The following NT5C2 variants were observed in gnomAD, a reference collection of about 807,000 sequenced individuals.
NT5C2 encodes 5'-nucleotidase, cytosolic II.
A neutral mutation model predicts 76.1 loss-of-function variants in NT5C2; 58 were observed. The observed-to-expected ratio is 0.76, with a 90% confidence interval of 0.62 to 0.95. NT5C2 has a LOEUF of 0.95. Among genes scored for constraint, NT5C2 ranks in the 40% least tolerant of loss-of-function variants. The pLI is 0.00. For missense variants in NT5C2, 478 were observed against 690.3 expected (o/e 0.69, Z 3.45); for synonymous variants, 229 against 237.4 (o/e 0.96, Z 0.32).
chr10:103,088,841 G>A lies in NT5C2; in HGVS notation c.*831C>T. 5.1e-6 allele frequency: 1 copy of A among 197,024 alleles called. No homozygotes were observed. Among genetic ancestry groups the A allele is most frequent in the Non-Finnish European group, 1.1e-5 (1 of 94,926 alleles). The allele number at this position is 197,024 out of a possible 1,614,324, so 12.2% of individuals were successfully genotyped here. ...GGACAAAGAAATCTGGAATTGGGTAGCATGAGCCACAGCTATATAGCCCAC... is the reference window on the plus strand; with the variant it reads ...GGACAAAGAAATCTGGAATTGGGTAACATGAGCCACAGCTATATAGCCCAC... On this transcript the variant is annotated 3_prime_UTR_variant, in exon 19 of 19. Coordinates refer to ENST00000404739, the MANE Select transcript of NT5C2 (RefSeq NM_001351169.2).
intron 2 of NT5C2, among the ~76,000 whole-genome samples, chr10:103,179,793 T>C (rs1316640229): frequency 6.6e-6 from 1 of 152,268 alleles, no homozygotes; most frequent in Non-Finnish European, 1.5e-5. Context: ...ATGGTTTATA[T>C]GCATATGCAA....
intron 4 of NT5C2, among the ~76,000 whole-genome samples, chr10:103,121,602 G>A (rs1591071822): frequency 6.6e-6 from 1 of 152,158 alleles, no homozygotes; most frequent in Non-Finnish European, 1.5e-5. Flanking sequence ...AAGGTCCTGA[G>A]ATGCCTCTGC....
intron 1 of NT5C2, among the ~76,000 whole-genome samples, chr10:103,184,472 C>T (rs1484366939): frequency 6.6e-6 from 1 of 152,162 alleles, no homozygotes; most frequent in African/African-American, 2.4e-5. Flanking sequence ...TTGCACATAA[C>T]CCTTACATTT....
At chr10:103,122,382 G>A (rs2075838863) in intron 4 of NT5C2, among the ~76,000 whole-genome samples, 1 of 152,152 alleles carries the variant, frequency 6.6e-6, no homozygotes, top group African/African-American at 2.4e-5. Flanking sequence ...TTCATTTGGG[G>A]GGAAAAAATT....
At chr10:103,180,847 T>C (rs2090925595) in intron 2 of NT5C2, among the ~76,000 whole-genome samples, 1 of 152,184 alleles carries the variant, frequency 6.6e-6, no homozygotes, top group South Asian at 2.1e-4. Context: ...TACAATGTAA[T>C]ACTACTATGC....
chr10:103,170,594 C>T (rs1405255315), intron 3 of NT5C2, among the ~76,000 whole-genome samples: 2 of 148,790 alleles, frequency 1.3e-5, no homozygotes, highest in Non-Finnish European at 3.0e-5. Flanking sequence ...ATGATCTCAG[C>T]TCACTACAGC....
At chr10:103,188,010 C>T (rs1001061127) in intron 1 of NT5C2, among the ~76,000 whole-genome samples, 2 of 152,092 alleles carry the variant, frequency 1.3e-5, no homozygotes, top group Non-Finnish European at 2.9e-5. Flanking sequence ...AATTTTATGA[C>T]AAACATAATG....
At chr10:103,107,555 T>C (rs1160376004) in intron 4 of NT5C2, among the ~76,000 whole-genome samples, 1 of 151,892 alleles carries the variant, frequency 6.6e-6, no homozygotes, top group Non-Finnish European at 1.5e-5. Flanking sequence ...CGCATGCCTG[T>C]TGTCCCAGCT....
At chr10:103,133,632 T>C (rs1464420695) in intron 4 of NT5C2, among the ~76,000 whole-genome samples, 2 of 152,050 alleles carry the variant, frequency 1.3e-5, no homozygotes, top group Non-Finnish European at 2.9e-5. Context: ...CAAACTAATA[T>C]AGTAAATTGG....
chr10:103,151,538 T>C (rs1328340243), intron 3 of NT5C2, among the ~76,000 whole-genome samples: 2 of 152,082 alleles, frequency 1.3e-5, no homozygotes, highest in African/African-American at 4.8e-5. Context: ...ATTGATTATA[T>C]ATATGTGGGT....
At chr10:103,175,016 T>TG in intron 2 of NT5C2, 34 bp from the exon 3 acceptor site, 1 of 1,233,310 alleles carries the variant, frequency 8.1e-7, no homozygotes, top group Middle Eastern at 1.9e-4. Flanking sequence ...AGTAACTTAA[T>TG]ATTGGCATCT....
chr10:103,106,245 A>G (rs1317951919), intron 5 of NT5C2, among the ~76,000 whole-genome samples: 1 of 152,226 alleles, frequency 6.6e-6, no homozygotes, highest in Non-Finnish European at 1.5e-5. Flanking sequence ...CCAAGCTTCT[A>G]TCATGTTAAG....
chr10:103,182,711 A>T (rs914174019), intron 1 of NT5C2, among the ~76,000 whole-genome samples: 4 of 152,190 alleles, frequency 2.6e-5, no homozygotes, highest in African/African-American at 9.7e-5. Flanking sequence ...CACTGCCCTA[A>T]AACTTACATG....
intron 3 of NT5C2, among the ~76,000 whole-genome samples, chr10:103,173,541 C>T (rs989628617): frequency 6.8e-5 from 10 of 146,326 alleles, no homozygotes; most frequent in East Asian, 6.2e-4. Flanking sequence ...GGCGTGGACC[C>T]GGGAGACGGA....
At chr10:103,092,050 G>C (rs949874322) in intron 15 of NT5C2, among the ~76,000 whole-genome samples, 5 of 152,282 alleles carry the variant, frequency 3.3e-5, no homozygotes, top group Non-Finnish European at 5.9e-5. Context: ...AAACTTCATA[G>C]GTAGAAAGTT....
At chr10:103,096,001 TA>T in intron 11 of NT5C2, 21 bp from the exon 12 acceptor site, 1 of 1,599,248 alleles carries the variant, frequency 6.3e-7, no homozygotes, top group Non-Finnish European at 8.6e-7. Context: ...AAATTTAACA[TA>T]AGGTCCATAT....
chr10:103,102,707 G>A (rs1441253616), intron 6 of NT5C2, among the ~76,000 whole-genome samples: 2 of 151,960 alleles, frequency 1.3e-5, no homozygotes, highest in African/African-American at 2.4e-5. Context: ...TCCATGCTAA[G>A]GTGTCTCTGA....
intron 1 of NT5C2, among the ~76,000 whole-genome samples, chr10:103,188,094 C>T (rs542745274): frequency 2.4e-4 from 36 of 152,332 alleles, no homozygotes; most frequent in African/African-American, 7.2e-4. Context: ...CGGTGGCTCA[C>T]GCCTGTAATC....
chr10:103,143,712 T>C (rs1330719937), intron 3 of NT5C2, among the ~76,000 whole-genome samples: 3 of 148,880 alleles, frequency 2.0e-5, no homozygotes, highest in East Asian at 3.9e-4. Flanking sequence ...TCCCAGCACT[T>C]TGGGAGGCCA....
Sources: allele counts gnomAD v4.1 joint callset (sites outside exome capture counted in the v4.1 genomes callset), GRCh38; gene constraint gnomAD v4.1.1; transcripts MANE v1.5; gene names NCBI Gene and HGNC (gene_info 2026-07-23, HGNC 2026-07-21).